AP1G1: variants seen among roughly 807,000 people sequenced by gnomAD.
The protein encoded by AP1G1 is AP-1 complex subunit gamma-1.
In AP1G1, 7 loss-of-function variants were observed where a neutral mutation model predicts 108.3. That is an observed-to-expected ratio of 0.06 (90% CI 0.04 to 0.12). AP1G1 has a LOEUF of 0.12. Among genes scored for constraint, AP1G1 ranks in the 10% least tolerant of loss-of-function variants. The probability of loss-of-function intolerance (pLI) is 1.00; values close to 1 mark genes in which losing one functional copy is unlikely to be tolerated. For synonymous variants in AP1G1, 379 were observed against 353.5 expected, an observed-to-expected ratio of 1.07 and a Z score of -0.81; for missense variants, 756 against 1,010.7, an observed-to-expected ratio of 0.75 and a Z score of 3.42.
chr16:71,736,231 A>G lies in AP1G1; in HGVS notation c.2269-1524T>C, dbSNP rs186174349. On this transcript the variant is annotated intron_variant, in intron 21 of 22. Transcript: ENST00000299980. ...TACCATATTTCATTAAATGTAAGAT[A>G]CCAATCGTAATTCACACCATTATTT... is the stretch of plus-strand genomic sequence containing the variant. Among the ~76,000 whole-genome samples, 285 of 149,244 alleles carry G rather than the reference A, an allele frequency of 1.9e-3. 1 individual carries two copies. Among genetic ancestry groups the G allele is most frequent in the African/African-American group, 6.4e-3 (263 of 40,916 alleles).
chr16:71,760,925 C>A (rs952552937), intron 10 of AP1G1, among the ~76,000 whole-genome samples: 2 of 152,114 alleles, frequency 1.3e-5, no homozygotes, highest in Non-Finnish European at 2.9e-5. Flanking sequence ...GTACTACATA[C>A]AGGAAAATAA....
rs772883957 is a variant in AP1G1, at chr16:71,749,941, C to G, written c.1450G>C (p.Gly484Arg). The G allele has an allele frequency of 6.2e-7, 1 of 1,613,492 alleles. No individual in the cohort carries two copies. Among genetic ancestry groups the G allele is most frequent in the Admixed American group, 1.7e-5 (1 of 60,020 alleles). ...CACTGGCCAGATACAAGAAGATCAC[C>G]ATATTCACCTATACACCATGCAGCC... ...QVAAWCIGEY[G>R]DLLVSGQCEE... Residue 484 changes from glycine to arginine, a missense_variant, in exon 15 of 23, where the codon GGT (glycine) becomes CGT (arginine). By Grantham distance (125) the Gly-to-Arg change is moderately radical. Coordinates refer to ENST00000299980, the MANE Select transcript of AP1G1 (RefSeq NM_001128.6).
chr16:71,749,256 C>A (rs983372749), intron 15 of AP1G1, among the ~76,000 whole-genome samples: 4 of 151,810 alleles, frequency 2.6e-5, no homozygotes, highest in African/African-American at 7.3e-5. Context: ...CCAAGGCAGG[C>A]AGATTGCTTG....
chr16:71,806,764 G>A, intron 1 of AP1G1: 7 of 1,256,806 alleles, frequency 5.6e-6, no homozygotes, highest in Non-Finnish European at 7.3e-6. Context: ...TTGCTTCAGG[G>A]TAATACAGAA....
chr16:71,761,323 G>C (rs2031072159), intron 10 of AP1G1, among the ~76,000 whole-genome samples, 189 bp downstream of exon 10: 1 of 152,030 alleles, frequency 6.6e-6, no homozygotes. Context: ...AGAACAAATA[G>C]GAATATATGC....
chr16:71,757,811 A>G (rs575894733), intron 11 of AP1G1, among the ~76,000 whole-genome samples: 1 of 152,306 alleles, frequency 6.6e-6, no homozygotes, highest in Non-Finnish European at 1.5e-5. Flanking sequence ...AGAGAGAAAC[A>G]ACACAAAAAG....
intron 4 of AP1G1, chr16:71,772,991 T>G: frequency 1.6e-6 from 1 of 611,958 alleles, no homozygotes. Context: ...ATCAGATAAC[T>G]TAGGAATTTG....
chr16:71,787,306 G>A (rs941721949), intron 2 of AP1G1, among the ~76,000 whole-genome samples: 9 of 125,046 alleles, frequency 7.2e-5, no homozygotes, highest in East Asian at 7.0e-4. Context: ...GCAACACAGC[G>A]AGACTCTGTC....
At chr16:71,792,024 A>G (rs941214843) in intron 1 of AP1G1, among the ~76,000 whole-genome samples, 8 of 152,124 alleles carry the variant, frequency 5.3e-5, no homozygotes, top group African/African-American at 1.7e-4. Flanking sequence ...GGCCTCCCAA[A>G]GTGCTGGGAT....
At chr16:71,783,267 A>T (rs11866795) in intron 2 of AP1G1, among the ~76,000 whole-genome samples, 4 of 151,778 alleles carry the variant, frequency 2.6e-5, no homozygotes, top group South Asian at 2.1e-4. Context: ...AGGATATCAA[A>T]GGAAAAAAAA....
chr16:71,755,993 C>T, intron 12 of AP1G1, 26 bp downstream of exon 12: 1 of 1,600,762 alleles, frequency 6.2e-7, no homozygotes, highest in Non-Finnish European at 8.5e-7. Flanking sequence ...CAGACTTTAC[C>T]AATAAAGGTA....
intron 19 of AP1G1, among the ~76,000 whole-genome samples, chr16:71,740,072 T>C (rs1278330853): frequency 6.6e-5 from 10 of 152,158 alleles, no homozygotes; most frequent in African/African-American, 2.2e-4. Context: ...GGCAAGAAGA[T>C]GGAACGATGG....
At chr16:71,776,005 G>GCA (rs2031768685) in intron 2 of AP1G1, among the ~76,000 whole-genome samples, 1 of 152,100 alleles carries the variant, frequency 6.6e-6, no homozygotes, top group African/African-American at 2.4e-5. Context: ...TACCTCTAGA[G>GCA]CAGTATTCAA....
chr16:71,755,969 C>A, intron 12 of AP1G1, 50 bp downstream of exon 12: 1 of 1,575,398 alleles, frequency 6.3e-7, no homozygotes, highest in East Asian at 2.3e-5. Context: ...AAAGACACTT[C>A]CAAAAGTTCC....
At chr16:71,743,252 G>A (rs2029963221) in intron 19 of AP1G1, 4 of 151,594 alleles carry the variant, frequency 2.6e-5, no homozygotes, top group Admixed American at 2.6e-4. Flanking sequence ...TTGAAATTTT[G>A]TTAAGACACA....
At chr16:71,762,522 G>A (rs186893317) in intron 9 of AP1G1, among the ~76,000 whole-genome samples, 180 of 152,250 alleles carry the variant, frequency 1.2e-3, no homozygotes, top group African/African-American at 4.3e-3. Context: ...GGAGGGGAGA[G>A]ATGCTGAAGG....
intron 1 of AP1G1, chr16:71,808,441 G>T: frequency 2.5e-6 from 3 of 1,187,054 alleles, no homozygotes; most frequent in Non-Finnish European, 3.2e-6. Flanking sequence ...TAAACCCCAG[G>T]CTCCCTGAAT....
chr16:71,775,308 A>C (rs902015370), intron 2 of AP1G1, among the ~76,000 whole-genome samples: 5 of 152,106 alleles, frequency 3.3e-5, no homozygotes, highest in African/African-American at 7.2e-5. Flanking sequence ...CTGGTATTAC[A>C]GGCCTGAGCC....
intron 22 of AP1G1, 58 bp downstream of exon 22, chr16:71,734,551 A>G (rs1027313653): frequency 2.9e-6 from 4 of 1,393,294 alleles, no homozygotes; most frequent in Non-Finnish European, 4.1e-6. Context: ...GCAGAATTTT[A>G]TTTCGGGAAA....
Sources: allele counts gnomAD v4.1 joint callset (sites outside exome capture counted in the v4.1 genomes callset), GRCh38; gene constraint gnomAD v4.1.1; transcripts MANE v1.5; gene names NCBI Gene and HGNC (gene_info 2026-07-23, HGNC 2026-07-21).